Variants in ZBTB44 observed in about 807,000 individuals in gnomAD.
ZBTB44 encodes zinc finger and BTB domain-containing protein 44.
ZBTB44 carries 15 observed loss-of-function variants against 54.0 expected under a neutral mutation model. That is an observed-to-expected ratio of 0.28 (90% CI 0.19 to 0.43). The LOEUF (loss-of-function observed/expected upper bound fraction) is 0.43. ZBTB44 is among the 20% of genes least tolerant of loss of function. The probability of loss-of-function intolerance (pLI) is 1.00; values close to 1 mark genes in which losing one functional copy is unlikely to be tolerated. For missense variants in ZBTB44, 487 were observed against 707.1 expected, an observed-to-expected ratio of 0.69 and a Z score of 3.53; for synonymous variants, 230 against 250.1, an observed-to-expected ratio of 0.92 and a Z score of 0.76.
At chr11:130,273,982 G>T (rs772682534) in intron 1 of ZBTB44, among the ~76,000 whole-genome samples, 3 of 151,626 alleles carry the variant, frequency 2.0e-5, no homozygotes, top group Non-Finnish European at 4.4e-5. Context: ...CAGCTAGTAG[G>T]GGGGCTGAGG....
At chr11:130,307,187 G>A (rs1379149954) in intron 1 of ZBTB44, among the ~76,000 whole-genome samples, 1 of 152,086 alleles carries the variant, frequency 6.6e-6, no homozygotes, top group Non-Finnish European at 1.5e-5. Context: ...CACTTTGGGA[G>A]GCCAAGGTGG....
intron 1 of ZBTB44, among the ~76,000 whole-genome samples, chr11:130,264,395 C>G (rs1939101767): frequency 1.3e-5 from 2 of 152,170 alleles, no homozygotes; most frequent in African/African-American, 4.8e-5. Context: ...TCTTCAACTG[C>G]AGGCCTGTAG....
chr11:130,270,860 G>C (rs1939615536), intron 1 of ZBTB44, among the ~76,000 whole-genome samples: 1 of 152,200 alleles, frequency 6.6e-6, no homozygotes, highest in South Asian at 2.1e-4. Flanking sequence ...TACCTGAGAA[G>C]AATATCCACA....
chr11:130,251,915 T>C (rs565634605), intron 2 of ZBTB44, among the ~76,000 whole-genome samples: 1 of 152,158 alleles, frequency 6.6e-6, no homozygotes, highest in Non-Finnish European at 1.5e-5. Flanking sequence ...AATTTGCATA[T>C]AACAATATTA....
intron 1 of ZBTB44, among the ~76,000 whole-genome samples, chr11:130,302,360 G>A (rs1051387479): frequency 1.3e-5 from 2 of 151,974 alleles, no homozygotes; most frequent in African/African-American, 2.4e-5. Context: ...AACTAGTGGC[G>A]GAAAGTAGAA....
chr11:130,259,297 A>G (rs1938675991), intron 2 of ZBTB44, among the ~76,000 whole-genome samples: 2 of 152,216 alleles, frequency 1.3e-5, no homozygotes, highest in South Asian at 4.1e-4. Flanking sequence ...AAAAGTCTGG[A>G]AACAACAGAT....
intron 1 of ZBTB44, among the ~76,000 whole-genome samples, chr11:130,284,868 CAA>C (rs561169828): frequency 2.2e-5 from 3 of 135,680 alleles, no homozygotes; most frequent in Admixed American, 7.4e-5. Context: ...ACTACGTCTC[CAA>C]AAAAAAAAAA....
At chr11:130,289,301 G>A (rs541571850) in intron 1 of ZBTB44, among the ~76,000 whole-genome samples, 1 of 151,988 alleles carries the variant, frequency 6.6e-6, no homozygotes, top group Non-Finnish European at 1.5e-5. Context: ...TGGCCAACAT[G>A]GTGAAACCCC....
chr11:130,264,052 T>C (rs1347074109), intron 1 of ZBTB44, among the ~76,000 whole-genome samples: 1 of 152,242 alleles, frequency 6.6e-6, no homozygotes, highest in African/African-American at 2.4e-5. Context: ...TCACTCTGCA[T>C]GCTGGTTCTG....
chr11:130,277,314 T>C (rs1940176760), intron 1 of ZBTB44, among the ~76,000 whole-genome samples: 1 of 152,242 alleles, frequency 6.6e-6, no homozygotes, highest in Non-Finnish European at 1.5e-5. Flanking sequence ...TTAGAATATA[T>C]ACCAGAACCA....
intron 1 of ZBTB44, among the ~76,000 whole-genome samples, chr11:130,305,091 G>A (rs1426407776): frequency 6.6e-6 from 1 of 152,164 alleles, no homozygotes; most frequent in African/African-American, 2.4e-5. Context: ...ACAAAACACT[G>A]TTCAAACAAA....
Position 130,230,899 on chromosome 11 carries a change from C to T in ZBTB44, c.*865G>A, listed in dbSNP as rs1348573758. ...TTGTTTACTTCTAAAGTACATCACA[C>T]CTATTTGGTAGTTAAAAAACTGAAA... On this transcript the variant is annotated 3_prime_UTR_variant, in exon 8 of 8. Coordinates refer to ENST00000357899, the MANE Select transcript of ZBTB44 (RefSeq NM_001301098.2). 3 of 152,024 alleles carry T rather than the reference C, an allele frequency of 2.0e-5. No individual in the cohort carries two copies. The highest frequency in any genetic ancestry group is 4.4e-5 in the Non-Finnish European group (3 of 67,942). 9.4% of individuals were successfully genotyped at this position (152,024 alleles called of 1,614,324 possible). A position where few individuals can be genotyped will look rare whatever the true frequency, so the allele number is the denominator to read the frequency against.
chr11:130,270,428 G>A (rs553903597), intron 1 of ZBTB44, among the ~76,000 whole-genome samples: 71 of 152,270 alleles, frequency 4.7e-4, no homozygotes, highest in Middle Eastern at 3.4e-3. Context: ...GAACACTAGG[G>A]GCTTTAGATA....
At chr11:130,264,636 A>G (rs2136460030) in intron 1 of ZBTB44, among the ~76,000 whole-genome samples, 1 of 152,304 alleles carries the variant, frequency 6.6e-6, no homozygotes, top group South Asian at 2.1e-4. Context: ...ATGGGATGAG[A>G]AGAAGGTGAT....
At chr11:130,249,662 G>C (rs1937833242) in intron 2 of ZBTB44, among the ~76,000 whole-genome samples, 1 of 152,142 alleles carries the variant, frequency 6.6e-6, no homozygotes, top group Non-Finnish European at 1.5e-5. Context: ...AAGCAGGGTG[G>C]GGCGTTACCT....
intron 1 of ZBTB44, among the ~76,000 whole-genome samples, chr11:130,267,263 C>A (rs1316504491): frequency 1.3e-5 from 2 of 151,928 alleles, no homozygotes; most frequent in Non-Finnish European, 2.9e-5. Context: ...GACCCTGCCT[C>A]TAAAACAAAT....
At chr11:130,295,594 T>C in intron 1 of ZBTB44, 1 of 739,668 alleles carries the variant, frequency 1.4e-6, no homozygotes, top group South Asian at 1.6e-5. Context: ...CTTCATTTGC[T>C]TCTCTACATA....
chr11:130,259,080 A>C (rs1006187868), intron 2 of ZBTB44, among the ~76,000 whole-genome samples: 1 of 152,358 alleles, frequency 6.6e-6, no homozygotes. Context: ...GAGAGGACAC[A>C]AATAAATGGG....
In ZBTB44 at chr11:130,251,676, G is replaced by A. The variant is rs181576577; in HGVS notation, c.1018+9180C>T. 1.0e-3 allele frequency among the ~76,000 whole-genome samples: 154 copies of A among 152,228 alleles called. 2 individuals are homozygous for A. Among genetic ancestry groups the A allele is most frequent in the Non-Finnish European group, 1.9e-4 (13 of 68,016 alleles). ...AGAATTTCATATCCAGACAAACTAC[G>A]TTTCATAAGTGAGAAATAAAATCCT... On this transcript the variant is annotated intron_variant, in intron 2 of 7. Transcript: ENST00000357899.
Sources: allele counts gnomAD v4.1 joint callset (sites outside exome capture counted in the v4.1 genomes callset), GRCh38; gene constraint gnomAD v4.1.1; transcripts MANE v1.5; gene names NCBI Gene and HGNC (gene_info 2026-07-23, HGNC 2026-07-21).